MYOF: variants seen among roughly 807,000 people sequenced by gnomAD.
The protein encoded by MYOF is myoferlin.
A neutral mutation model predicts 284.2 loss-of-function variants in MYOF; 244 were observed. That is an observed-to-expected ratio of 0.86 (90% confidence interval 0.77 to 0.95). The LOEUF (loss-of-function observed/expected upper bound fraction) is 0.95. Ranked by LOEUF, MYOF falls within the 40% of genes least tolerant of loss-of-function variation. MYOF has a pLI of 0.00. For synonymous variants in MYOF, 904 were observed against 919.7 expected, an observed-to-expected ratio of 0.98 and a Z score of 0.31; for missense variants, 2,496 against 2,560.6, an observed-to-expected ratio of 0.97 and a Z score of 0.54.
intron 19 of MYOF, among the ~76,000 whole-genome samples, chr10:93,386,943 A>G (rs184868040): frequency 1.3e-5 from 2 of 152,210 alleles, no homozygotes; most frequent in African/African-American, 2.4e-5. Flanking sequence ...GGGGGAGAGC[A>G]TGGAGAACCC....
intron 5 of MYOF, among the ~76,000 whole-genome samples, chr10:93,410,136 C>A (rs1847841184): frequency 6.6e-6 from 1 of 152,206 alleles, no homozygotes; most frequent in African/African-American, 2.4e-5. Context: ...ATCCCTCCCA[C>A]TGCAGATCTT....
Position 93,379,907 on chromosome 10 carries a change from G to A in MYOF, c.1957C>T (p.Arg653Cys), listed in dbSNP as rs1393946195. 2.3e-5 allele frequency: 37 copies of A among 1,613,996 alleles called. No individual in the cohort carries two copies. The highest frequency in any genetic ancestry group is 6.7e-5 in the East Asian group (3 of 44,888). Residue 653 changes from arginine to cysteine, a missense_variant, in exon 21 of 54, where the codon CGC becomes TGC. Transcript: ENST00000359263. ...AGGAGAGTGTTCACCGCATCCAGGC[G>A]ATGACTAATATCCTCCCAGTATGAA... ...LTSYWEDISH[R>C]LDAVNTLLAM...
chr10:93,448,452 T>C (rs997908448), intron 3 of MYOF, among the ~76,000 whole-genome samples: 2 of 152,182 alleles, frequency 1.3e-5, no homozygotes, highest in Admixed American at 1.3e-4. Context: ...CGACATATTA[T>C]GTATATATTT....
At chr10:93,339,435 C>T (rs1358827886) in intron 39 of MYOF, among the ~76,000 whole-genome samples, 1 of 151,612 alleles carries the variant, frequency 6.6e-6, no homozygotes, top group Admixed American at 6.6e-5. Context: ...ATTACTTCCC[C>T]TTTATGGGTC....
At chr10:93,397,986 G>A (rs551351263) in intron 13 of MYOF, among the ~76,000 whole-genome samples, 5 of 152,220 alleles carry the variant, frequency 3.3e-5, no homozygotes, top group African/African-American at 1.2e-4. Flanking sequence ...GGACACCTGC[G>A]GTTGTCTATC....
chr10:93,463,125 C>T (rs1305102869), intron 1 of MYOF, among the ~76,000 whole-genome samples: 3 of 152,184 alleles, frequency 2.0e-5, no homozygotes, highest in African/African-American at 7.2e-5. Context: ...GTCACCACTG[C>T]AGTAATTAAC....
At position 93,402,393 on chromosome 10, in the gene MYOF, A is replaced by G. The variant is rs564346528; in HGVS notation, c.875-46T>C. 5.5e-6 allele frequency: 8 copies of G among 1,443,996 alleles called. No individual in the cohort carries two copies. In the African/African-American group the frequency reaches 9.8e-5, roughly 18 times the overall value. The allele number at this position is 1,443,996 out of a possible 1,614,324, so 89.4% of individuals were successfully genotyped here. A position where few individuals can be genotyped will look rare whatever the true frequency, so the allele number is the denominator to read the frequency against. On this transcript the variant is annotated intron_variant, in intron 10 of 53. Coordinates refer to ENST00000359263, the MANE Select transcript of MYOF (RefSeq NM_013451.4). ...AAGGAAATGGACATGCTAAAAAGGT[A>G]CTGATAAGTCTGTGATTCCTCTGCC...
chr10:93,356,942 C>G (rs1844834317), intron 29 of MYOF, 94 bp from the exon 30 acceptor site: 2 of 1,274,938 alleles, frequency 1.6e-6, no homozygotes, highest in South Asian at 3.0e-5. Context: ...AACAGATACA[C>G]AGTATTCAAA....
At chr10:93,375,273 G>A (rs2133979498) in intron 22 of MYOF, among the ~76,000 whole-genome samples, 1 of 152,214 alleles carries the variant, frequency 6.6e-6, no homozygotes, top group East Asian at 1.9e-4. Context: ...GAGAGAAACT[G>A]GCTTTCCCTT....
At chr10:93,391,775 T>C (rs114801768) in intron 17 of MYOF, among the ~76,000 whole-genome samples, 2,063 of 152,296 alleles carry the variant, frequency 0.014, 48 homozygotes, top group African/African-American at 0.047. Context: ...CCATCAAGGA[T>C]TTCCTCTGAC....
chr10:93,398,260 C>T (rs1190054453), intron 13 of MYOF, among the ~76,000 whole-genome samples: 1 of 152,136 alleles, frequency 6.6e-6, no homozygotes, highest in Non-Finnish European at 1.5e-5. Context: ...ATGCCTCCCT[C>T]CCCAATCTCT....
At position 93,374,888 on chromosome 10, in the gene MYOF, G is replaced by A. The variant is rs777374013; in HGVS notation, c.2176C>T (p.Arg726Trp). ...TGTATTTGGGAGAGAGACCTGGACC[G>A]CAGCTTTCGGATCTGAGTATCGAGA... ...TVLDTQIRKLRSRSLSQIHEA... is the reference protein window; with the variant it reads ...TVLDTQIRKLWSRSLSQIHEA... The change falls in exon 23 of 54, where the codon CGG becomes TGG. Residue 726 changes from arginine (R) to tryptophan (W), a missense_variant. By Grantham distance (101) the Arg-to-Trp change is moderately radical. Around this residue, in one of 3 missense-constraint regions of MYOF, gnomAD observed 2,436 missense variants for 2,480.7 expected, o/e 0.98. Transcript: ENST00000359263. 2.4e-5 allele frequency: 38 copies of A among 1,614,140 alleles called. No individual in the cohort carries two copies. Among genetic ancestry groups the A allele is most frequent in the Middle Eastern group, 1.7e-4 (1 of 6,060 alleles).
At chr10:93,427,423 CA>C (rs1365337401) in intron 4 of MYOF, among the ~76,000 whole-genome samples, 1 of 150,046 alleles carries the variant, frequency 6.7e-6, no homozygotes, top group African/African-American at 2.5e-5. Flanking sequence ...CCCAGCTGCT[CA>C]GGGGGCTGAG....
chr10:93,416,230 T>C (rs1028896855), intron 5 of MYOF, among the ~76,000 whole-genome samples: 1 of 152,196 alleles, frequency 6.6e-6, no homozygotes, highest in Non-Finnish European at 1.5e-5. Flanking sequence ...CCAAAGAAAC[T>C]TCTCTCGGCC....
At chr10:93,426,915 T>G (rs1589551305) in intron 4 of MYOF, among the ~76,000 whole-genome samples, 1 of 118,780 alleles carries the variant, frequency 8.4e-6, no homozygotes, top group Non-Finnish European at 1.7e-5. Flanking sequence ...TGAGACAGAG[T>G]CTCACTCTGT....
intron 1 of MYOF, among the ~76,000 whole-genome samples, chr10:93,466,621 G>A (rs763385579): frequency 2.6e-5 from 4 of 152,182 alleles, no homozygotes; most frequent in Non-Finnish European, 5.9e-5. Flanking sequence ...CAGGCACCTG[G>A]CTTGACTGCC....
intron 40 of MYOF, among the ~76,000 whole-genome samples, chr10:93,336,798 G>A (rs78991988): frequency 0.016 from 2,357 of 150,800 alleles, 60 homozygotes; most frequent in African/African-American, 0.055. Context: ...AAGGAAGAAG[G>A]AAGGGAGGCA....
intron 4 of MYOF, among the ~76,000 whole-genome samples, chr10:93,429,633 A>G (rs1382325863): frequency 6.6e-6 from 1 of 152,230 alleles, no homozygotes; most frequent in Non-Finnish European, 1.5e-5. Context: ...TAAGTTTTAG[A>G]GACCAGATCA....
intron 29 of MYOF, among the ~76,000 whole-genome samples, chr10:93,359,311 T>G (rs1187409411): frequency 6.6e-6 from 1 of 152,002 alleles, no homozygotes; most frequent in Non-Finnish European, 1.5e-5. Flanking sequence ...AGAAAGCCAC[T>G]TCTATACATG....
Sources: allele counts gnomAD v4.1 joint callset (sites outside exome capture counted in the v4.1 genomes callset), GRCh38; gene constraint gnomAD v4.1.1; regional missense constraint gnomAD v4.1.1; transcripts MANE v1.5; gene names NCBI Gene and HGNC (gene_info 2026-07-23, HGNC 2026-07-21).